NDUFA10: variants seen among roughly 807,000 people sequenced by gnomAD.
NDUFA10 encodes the protein NADH:ubiquinone oxidoreductase subunit A10, also known as NADH dehydrogenase [ubiquinone] 1 alpha subcomplex subunit 10, mitochondrial.
NDUFA10 carries 40 observed loss-of-function variants against 47.8 expected under a neutral mutation model. The ratio of observed to expected loss-of-function variants is 0.84; its 90% confidence interval spans 0.65 to 1.09. NDUFA10 has a LOEUF of 1.09. Among genes scored for constraint, NDUFA10 ranks in the 50% least tolerant of loss-of-function variants. NDUFA10 has a pLI of 0.00. For synonymous variants in NDUFA10, 183 were observed against 172.2 expected, an observed-to-expected ratio of 1.06 and a Z score of -0.49; for missense variants, 413 against 451.1, an observed-to-expected ratio of 0.92 and a Z score of 0.76.
At chr2:240,005,065 C>T (rs901155353) in intron 8 of NDUFA10, 145 bp downstream of exon 8, 1 of 732,556 alleles carries the variant, frequency 1.4e-6, no homozygotes, top group Non-Finnish European at 2.5e-6. Context: ...GATTCAGGAG[C>T]TGTTTGGAAG....
At chr2:239,991,879 A>C (rs1236179350) in intron 8 of NDUFA10, among the ~76,000 whole-genome samples, 1 of 152,250 alleles carries the variant, frequency 6.6e-6, no homozygotes, top group Non-Finnish European at 1.5e-5. Context: ...GACCATGTGT[A>C]GTATAGAGAG....
chr2:239,951,799 C>T lies in NDUFA10; in HGVS notation c.294+38275G>A, dbSNP rs191803131. On this transcript the variant is annotated intron_variant, in intron 4 of 5. Transcript: ENST00000419408. The stretch of plus-strand genomic sequence containing the variant: ...GTGTAACTAAAAAGGGGAAACAAGC[C>T]AGAGGGGTTCCCAGGCCTGGTCCCA... 1.1e-4 allele frequency among the ~76,000 whole-genome samples: 17 copies of T among 152,380 alleles called. No individual in the cohort carries two copies. The East Asian group carries it at 3.3e-3, about 29-fold the overall frequency.
chr2:239,934,731 G>A (rs142219792), intron 4 of NDUFA10, among the ~76,000 whole-genome samples: 1 of 152,316 alleles, frequency 6.6e-6, no homozygotes, highest in East Asian at 1.9e-4. Context: ...TCCTTTGACA[G>A]GTCTCAGCGC....
chr2:240,014,458 C>T, intron 5 of NDUFA10: 1 of 467,972 alleles, frequency 2.1e-6, no homozygotes, highest in Non-Finnish European at 4.0e-6. Context: ...CCAGGAGGCC[C>T]TCACCAGCCT....
intron 4 of NDUFA10, among the ~76,000 whole-genome samples, chr2:239,915,779 C>T (rs1351105674): frequency 6.6e-6 from 1 of 151,444 alleles, no homozygotes; most frequent in African/African-American, 2.4e-5. Flanking sequence ...TATACTCAGA[C>T]ACATAGAAAT....
At chr2:239,955,964 C>T (rs751335961), downstream of NDUFA10, among the ~76,000 whole-genome samples, 12 of 152,154 alleles carry the variant, frequency 7.9e-5, no homozygotes, top group Non-Finnish European at 1.2e-4. Context: ...GCTCTGCAGC[C>T]AGGGAGGCAG....
At chr2:239,993,468 G>A (rs1250246220) in intron 8 of NDUFA10, among the ~76,000 whole-genome samples, 1 of 152,232 alleles carries the variant, frequency 6.6e-6, no homozygotes, top group East Asian at 1.9e-4. Context: ...AGGTGGTGGT[G>A]GAAGAAGGGC....
chr2:239,920,555 G>T (rs189227721), intron 4 of NDUFA10, among the ~76,000 whole-genome samples: 1 of 152,188 alleles, frequency 6.6e-6, no homozygotes, highest in Non-Finnish European at 1.5e-5. Flanking sequence ...AATTGAGAAC[G>T]GGAGTCCTTA....
Position 240,002,603 on chromosome 2 carries a change from G to C in NDUFA10, c.890+2607C>G, listed in dbSNP as rs971278009. ...ACATATGGAGGCACAGGCAGATAAA[G>C]TGACTTGTCCCAAGTCACACAGCCA... On this transcript the variant is annotated intron_variant, in intron 8 of 9. Coordinates refer to ENST00000252711, the MANE Select transcript of NDUFA10 (RefSeq NM_004544.4). Among the ~76,000 whole-genome samples the C allele has an allele frequency of 7.2e-5, 11 of 151,994 alleles. 1 individual carries two copies. Among genetic ancestry groups the C allele is most frequent in the African/African-American group, 2.2e-4 (9 of 41,352 alleles).
intron 9 of NDUFA10, among the ~76,000 whole-genome samples, chr2:239,972,137 A>ATG (rs4149568): frequency 0.038 from 5,673 of 150,568 alleles, 113 homozygotes; most frequent in Middle Eastern, 0.056. Context: ...TTCATGAAGG[A>ATG]TGTGTGTGTG....
rs1694792103 is a variant in NDUFA10, at chr2:239,960,181, G to A, written c.*937C>T. On this transcript the variant is annotated 3_prime_UTR_variant, in exon 10 of 10. Transcript: ENST00000252711. ...CACAACTGGCAGCCTGATTCCTAAT[G>A]GACACAGTGGAGCTTTACAGTGGAA... 9.2e-6 allele frequency: 9 copies of A among 980,394 alleles called. No homozygotes were observed. In the South Asian group the frequency reaches 2.4e-4, roughly 26 times the overall value. 60.7% of individuals were successfully genotyped at this position (980,394 alleles called of 1,614,324 possible). A position where few individuals can be genotyped will look rare whatever the true frequency, so the allele number is the denominator to read the frequency against.
intron 4 of NDUFA10, among the ~76,000 whole-genome samples, chr2:239,926,078 T>G (rs575454810): frequency 1.3e-5 from 2 of 152,078 alleles, no homozygotes; most frequent in African/African-American, 4.8e-5. Flanking sequence ...GGGAAACATT[T>G]TGGAGTCTCT....
intron 4 of NDUFA10, among the ~76,000 whole-genome samples, chr2:239,911,812 C>T (rs767273968): frequency 5.8e-4 from 88 of 152,000 alleles, no homozygotes; most frequent in Admixed American, 1.2e-3. Flanking sequence ...TCCCAGTCCA[C>T]GCCCTCGGTG....
At chr2:239,964,425 A>G (rs1016045159) in intron 9 of NDUFA10, among the ~76,000 whole-genome samples, 1 of 152,214 alleles carries the variant, frequency 6.6e-6, no homozygotes, top group Non-Finnish European at 1.5e-5. Flanking sequence ...CCGTGATTTT[A>G]GAACCTCTGC....
rs1357362784 is a variant in NDUFA10, at chr2:240,025,291, C to A, written c.11G>T (p.Arg4Leu). The change falls in exon 1 of 10, where the codon CGG (arginine) becomes CTG (leucine). Residue 4 changes from arginine to leucine, a missense_variant. Arg to Leu is a moderately radical substitution (Grantham distance 102). Transcript: ENST00000252711. MALRLLKLAATSAS... is the reference protein window; with the variant it reads MALLLLKLAATSAS... ...GGACGTCGCTGCCAGCTTCAGGAGC[C>A]GCAAGGCCATGGCTACCCGGTCAGC... 1 of 1,506,364 alleles carries A rather than the reference C, an allele frequency of 6.6e-7. No homozygotes were observed. The allele number at this position is 1,506,364 out of a possible 1,614,324, so 93.3% of individuals were successfully genotyped here.
chr2:239,896,490 G>A (rs1574759514), intron 4 of NDUFA10, among the ~76,000 whole-genome samples: 1 of 152,198 alleles, frequency 6.6e-6, no homozygotes, highest in South Asian at 2.1e-4. Flanking sequence ...ATCCAGGGTT[G>A]GGGGCACTGC....
chr2:239,940,120 G>A (rs914330270), intron 4 of NDUFA10, among the ~76,000 whole-genome samples: 11 of 152,384 alleles, frequency 7.2e-5, no homozygotes, highest in African/African-American at 2.6e-4. Flanking sequence ...AAGGGTTGGA[G>A]GGTAAAGACA....
chr2:239,901,614 A>T (rs1693552053), intron 4 of NDUFA10, among the ~76,000 whole-genome samples: 1 of 151,936 alleles, frequency 6.6e-6, no homozygotes, highest in South Asian at 2.1e-4. Flanking sequence ...CCGAGGGGTG[A>T]TCTGACTTTC....
downstream of NDUFA10, among the ~76,000 whole-genome samples, chr2:239,954,742 T>A (rs1042726999): frequency 3.3e-5 from 5 of 152,230 alleles, no homozygotes; most frequent in South Asian, 2.1e-4. Context: ...AGCATTTTTT[T>A]ATTTTTTTGT....
Sources: allele counts gnomAD v4.1 joint callset (sites outside exome capture counted in the v4.1 genomes callset), GRCh38; gene constraint gnomAD v4.1.1; transcripts MANE v1.5; gene names NCBI Gene and HGNC (gene_info 2026-07-23, HGNC 2026-07-21).